Variants in FRMD4A observed in about 807,000 individuals in gnomAD.
FRMD4A encodes the protein FERM domain containing 4A.
Under a neutral mutation model 129.1 loss-of-function variants are expected in FRMD4A, and 29 were observed. The observed-to-expected ratio is 0.22, with a 90% CI of 0.17 to 0.31. The LOEUF (loss-of-function observed/expected upper bound fraction) is 0.31. Among genes scored for constraint, FRMD4A ranks in the 10% least tolerant of loss-of-function variants. FRMD4A has a pLI of 1.00. For missense variants in FRMD4A, 1,272 were observed against 1,375.8 expected, an observed-to-expected ratio of 0.92 and a Z score of 1.19; for synonymous variants, 634 against 571.6, an observed-to-expected ratio of 1.11 and a Z score of -1.56.
chr10:14,122,117 C>A (rs542232076), intron 2 of FRMD4A, among the ~76,000 whole-genome samples: 2 of 152,206 alleles, frequency 1.3e-5, no homozygotes, highest in Admixed American at 6.5e-5. Context: ...AATTACCTAA[C>A]CTCTCTAAGC....
chr10:13,848,175 G>A (rs2094081286), intron 3 of FRMD4A, among the ~76,000 whole-genome samples: 1 of 152,176 alleles, frequency 6.6e-6, no homozygotes, highest in Non-Finnish European at 1.5e-5. Context: ...GCTCCCATCT[G>A]CACAGAGTCT....
At chr10:13,994,978 C>T (rs76563000) in intron 2 of FRMD4A, among the ~76,000 whole-genome samples, 43,418 of 152,008 alleles carry the variant, frequency 0.29, 7,342 homozygotes, top group East Asian at 0.73. Context: ...TGAACAGGAG[C>T]GCAGCCACAG....
At chr10:14,309,837 A>G (rs1846480231) in intron 2 of FRMD4A, among the ~76,000 whole-genome samples, 1 of 152,054 alleles carries the variant, frequency 6.6e-6, no homozygotes, top group Non-Finnish European at 1.5e-5. Flanking sequence ...TCTGTGGTGA[A>G]TCCTCGTTTC....
At chr10:13,723,640 C>T (rs951195292) in intron 12 of FRMD4A, among the ~76,000 whole-genome samples, 14 of 152,292 alleles carry the variant, frequency 9.2e-5, no homozygotes, top group South Asian at 8.3e-4. Flanking sequence ...TAGATGACCC[C>T]GAAAATCCCT....
At chr10:13,836,326 A>G (rs1307748213) in intron 3 of FRMD4A, among the ~76,000 whole-genome samples, 1 of 152,146 alleles carries the variant, frequency 6.6e-6, no homozygotes, top group Non-Finnish European at 1.5e-5. Context: ...TAAGGGATGG[A>G]CATCAGTCTG....
At chr10:13,845,249 C>T (rs2094026549) in intron 3 of FRMD4A, among the ~76,000 whole-genome samples, 1 of 152,154 alleles carries the variant, frequency 6.6e-6, no homozygotes, top group Non-Finnish European at 1.5e-5. Context: ...TGCCTGTCAT[C>T]CTATGACCTT....
chr10:14,257,072 T>G (rs1844640114), intron 2 of FRMD4A, among the ~76,000 whole-genome samples: 1 of 152,178 alleles, frequency 6.6e-6, no homozygotes, highest in Non-Finnish European at 1.5e-5. Flanking sequence ...CTCACACCTG[T>G]AATCCCGGCA....
chr10:13,900,619 G>A (rs1038780996), intron 2 of FRMD4A, among the ~76,000 whole-genome samples: 7 of 152,106 alleles, frequency 4.6e-5, no homozygotes, highest in Non-Finnish European at 1.0e-4. Flanking sequence ...AAATAGGGCC[G>A]GGCATGGTGG....
At chr10:14,113,035 C>G (rs998235084) in intron 2 of FRMD4A, among the ~76,000 whole-genome samples, 1 of 152,138 alleles carries the variant, frequency 6.6e-6, no homozygotes, top group Non-Finnish European at 1.5e-5. Context: ...GGACCTAGTA[C>G]AGGTTCGGAC....
chr10:13,655,595 T>G (rs1268551487), intron 22 of FRMD4A: 3 of 151,400 alleles, frequency 2.0e-5, no homozygotes, highest in Non-Finnish European at 2.9e-5. Flanking sequence ...CCTGGCTCGC[T>G]AGGGCATCCA....
intron 5 of FRMD4A, among the ~76,000 whole-genome samples, chr10:13,793,438 C>T (rs1246102735): frequency 6.6e-6 from 1 of 152,098 alleles, no homozygotes; most frequent in African/African-American, 2.4e-5. Flanking sequence ...TCCGAAAGTA[C>T]AGGCATGAAC....
intron 2 of FRMD4A, among the ~76,000 whole-genome samples, chr10:14,107,197 C>T (rs4750463): frequency 0.74 from 111,791 of 152,012 alleles, 41,632 homozygotes; most frequent in African/African-American, 0.86. Context: ...TGGAGACTAC[C>T]AGAGAGGGGA....
chr10:14,097,515 C>T (rs562919315), intron 2 of FRMD4A, among the ~76,000 whole-genome samples: 37 of 152,130 alleles, frequency 2.4e-4, no homozygotes, highest in South Asian at 6.2e-4. Context: ...GTCTGCCTTA[C>T]CGAGGAGGAA....
At chr10:13,715,939 G>A (rs1040771246) in intron 12 of FRMD4A, among the ~76,000 whole-genome samples, 2 of 147,360 alleles carry the variant, frequency 1.4e-5, no homozygotes, top group African/African-American at 5.0e-5. Context: ...TGCTATGATT[G>A]TACACATTCC....
chr10:13,893,102 T>C (rs2094719279), intron 2 of FRMD4A, among the ~76,000 whole-genome samples: 1 of 152,192 alleles, frequency 6.6e-6, no homozygotes, highest in African/African-American at 2.4e-5. Context: ...GATGGTGTGA[T>C]CACGGCTCAC....
intron 2 of FRMD4A, among the ~76,000 whole-genome samples, chr10:14,292,167 C>T (rs910030586): frequency 7.9e-5 from 12 of 152,064 alleles, no homozygotes; most frequent in African/African-American, 9.7e-5. Context: ...GGAATATTTA[C>T]GAAACTGGAT....
In FRMD4A at chr10:13,657,090, G is replaced by T; in HGVS notation, c.2499C>A (p.Arg833=). 2 of 1,574,536 alleles carry T rather than the reference G, an allele frequency of 1.3e-6. No individual in the cohort carries two copies. Among genetic ancestry groups the T allele is most frequent in the Non-Finnish European group, 8.6e-7 (1 of 1,166,628 alleles). Residue 833 remains arginine, a synonymous_variant, in exon 22 of 25, where the codon CGC becomes CGA. Coordinates refer to ENST00000357447, the MANE Select transcript of FRMD4A (RefSeq NM_018027.5). ...HSQSQPSSQY[R]IKEYPLYIEG... ...CGATGTACAGCGGGTACTCCTTGAT[G>T]CGGTACTGCGAGCTGGGCTGGCTCT...
At chr10:14,327,152 G>C (rs1843310971) in intron 2 of FRMD4A, among the ~76,000 whole-genome samples, 1 of 152,210 alleles carries the variant, frequency 6.6e-6, no homozygotes, top group South Asian at 2.1e-4. Context: ...AAAAGTCATT[G>C]GCTTTTGTCC....
At chr10:14,222,931 T>C (rs1238677151) in intron 2 of FRMD4A, among the ~76,000 whole-genome samples, 1 of 152,076 alleles carries the variant, frequency 6.6e-6, no homozygotes, top group East Asian at 1.9e-4. Flanking sequence ...TTACTAAAAA[T>C]ACAAAAATTA....
Sources: gnomAD v4.1 joint callset for allele counts (sites outside exome capture counted in the v4.1 genomes callset) on GRCh38, gnomAD v4.1.1 for gene constraint, MANE v1.5 for transcripts, NCBI Gene and HGNC (gene_info 2026-07-23, HGNC 2026-07-21) for gene names.